ULK4: variants seen among roughly 807,000 people sequenced by gnomAD.
ULK4 encodes unc-51 like kinase 4.
ULK4 carries 133 observed loss-of-function variants against 160.6 expected under a neutral mutation model. The ratio of observed to expected loss-of-function variants is 0.83; its 90% CI spans 0.72 to 0.96. ULK4 has a LOEUF of 0.96. Ranked by LOEUF, ULK4 falls within the 40% of genes least tolerant of loss-of-function variation. The pLI is 0.00. For missense variants in ULK4, 1,580 were observed against 1,499.5 expected, an observed-to-expected ratio of 1.05 and a Z score of -0.89; for synonymous variants, 534 against 539.8, an observed-to-expected ratio of 0.99 and a Z score of 0.15.
intron 18 of ULK4, among the ~76,000 whole-genome samples, chr3:41,829,256 A>G (rs2041483825): frequency 2.0e-5 from 3 of 147,368 alleles, no homozygotes; most frequent in Admixed American, 2.0e-4. Context: ...CATGTGTAAA[A>G]CACCAAAAGC....
At chr3:41,565,780 T>C (rs780434370) in intron 32 of ULK4, among the ~76,000 whole-genome samples, 4 of 152,220 alleles carry the variant, frequency 2.6e-5, no homozygotes, top group South Asian at 2.1e-4. Flanking sequence ...CTAAATACTA[T>C]GATTACACCT....
intron 35 of ULK4, among the ~76,000 whole-genome samples, chr3:41,279,641 T>C (rs923539848): frequency 1.3e-5 from 2 of 152,168 alleles, no homozygotes; most frequent in Non-Finnish European, 2.9e-5. Flanking sequence ...CAGAAGAGAA[T>C]GGGGGCCAAT....
At chr3:41,290,753 T>G (rs771397320) in intron 35 of ULK4, among the ~76,000 whole-genome samples, 15 of 152,236 alleles carry the variant, frequency 9.9e-5, no homozygotes, top group Non-Finnish European at 1.5e-4. Context: ...GGTACACGTA[T>G]GCTCATAAGC....
At chr3:41,833,213 A>G (rs752135914) in intron 18 of ULK4, among the ~76,000 whole-genome samples, 12 of 148,144 alleles carry the variant, frequency 8.1e-5, no homozygotes, top group Admixed American at 7.4e-4. Flanking sequence ...TCCTTGAGCA[A>G]TGGTTTGTAA....
At position 41,262,625 on chromosome 3, in the gene ULK4, C is replaced by A. The variant is rs564891882; in HGVS notation, c.3679-13051G>T. 3.9e-5 allele frequency among the ~76,000 whole-genome samples: 6 copies of A among 152,288 alleles called. 1 individual carries two copies. The South Asian group carries it at 1.2e-3, about 32-fold the overall frequency. On this transcript the variant is annotated intron_variant, in intron 35 of 36. Coordinates refer to ENST00000301831, the MANE Select transcript of ULK4 (RefSeq NM_017886.4). ...CCAAGTCTAGAGGCTACAGAAGTAA[C>A]ATGCGGAGGATTTGAATGTTTTTCT...
intron 32 of ULK4, among the ~76,000 whole-genome samples, chr3:41,487,712 T>C (rs1423062802): frequency 6.6e-6 from 1 of 152,040 alleles, no homozygotes; most frequent in Non-Finnish European, 1.5e-5. Flanking sequence ...GCTCTAAATA[T>C]AAAAACAATC....
intron 17 of ULK4, among the ~76,000 whole-genome samples, chr3:41,867,734 A>T (rs1696947649): frequency 6.6e-6 from 1 of 152,256 alleles, no homozygotes; most frequent in Non-Finnish European, 1.5e-5. Context: ...AGTCTTCAGA[A>T]CTACTGCTCT....
intron 14 of ULK4, among the ~76,000 whole-genome samples, chr3:41,897,934 T>C (rs987242126): frequency 6.6e-6 from 1 of 152,222 alleles, no homozygotes; most frequent in Admixed American, 6.5e-5. Context: ...ATGGTCACCC[T>C]AAATAAGACT....
At chr3:41,452,955 G>T (rs887049781) in intron 34 of ULK4, among the ~76,000 whole-genome samples, 2 of 152,110 alleles carry the variant, frequency 1.3e-5, no homozygotes, top group Non-Finnish European at 2.9e-5. Flanking sequence ...TTAATCCAGA[G>T]GCCAAGGAGA....
chr3:41,298,824 T>C (rs2079724557), intron 35 of ULK4, among the ~76,000 whole-genome samples: 2 of 152,306 alleles, frequency 1.3e-5, no homozygotes, highest in Admixed American at 1.3e-4. Context: ...TGTGTACTAG[T>C]TGAATCTCAG....
At chr3:41,747,139 A>G (rs923910354) in intron 22 of ULK4, among the ~76,000 whole-genome samples, 8 of 151,980 alleles carry the variant, frequency 5.3e-5, no homozygotes, top group Non-Finnish European at 1.0e-4. Context: ...CCATTAAAGG[A>G]AAAAATGATA....
At chr3:41,517,400 G>A (rs2085786636) in intron 32 of ULK4, among the ~76,000 whole-genome samples, 1 of 152,078 alleles carries the variant, frequency 6.6e-6, no homozygotes, top group South Asian at 2.1e-4. Flanking sequence ...CTTATTAAAG[G>A]GCTTGAGGGA....
chr3:41,715,631 G>A, intron 23 of ULK4, 63 bp from the exon 24 acceptor site: 1 of 1,603,200 alleles, frequency 6.2e-7, no homozygotes. Context: ...GGAGCCACTG[G>A]TCATTGCTTG....
intron 35 of ULK4, among the ~76,000 whole-genome samples, chr3:41,371,734 T>A (rs1479811833): frequency 2.0e-5 from 3 of 152,024 alleles, no homozygotes; most frequent in Non-Finnish European, 4.4e-5. Context: ...CCAGAATGCC[T>A]ATTCTCCAAA....
At chr3:41,884,764 G>A (rs1372904586) in intron 16 of ULK4, among the ~76,000 whole-genome samples, 3 of 152,128 alleles carry the variant, frequency 2.0e-5, no homozygotes, top group East Asian at 1.9e-4. Context: ...AAATGTCTGC[G>A]TTATCACAAC....
At chr3:41,264,865 T>C (rs1029086050) in intron 35 of ULK4, among the ~76,000 whole-genome samples, 9 of 152,324 alleles carry the variant, frequency 5.9e-5, no homozygotes, top group African/African-American at 1.9e-4. Flanking sequence ...CAGTCAGTTA[T>C]GGCCAGCTGT....
intron 31 of ULK4, among the ~76,000 whole-genome samples, chr3:41,569,812 T>C (rs1055271732): frequency 6.6e-6 from 1 of 152,136 alleles, no homozygotes; most frequent in Non-Finnish European, 1.5e-5. Context: ...TTAGTCATTA[T>C]GAATGACTAA....
intron 35 of ULK4, among the ~76,000 whole-genome samples, chr3:41,295,840 G>A (rs926463311): frequency 1.3e-5 from 2 of 152,102 alleles, no homozygotes; most frequent in Admixed American, 6.6e-5. Flanking sequence ...AATGCAAAAC[G>A]GTCCATCCAC....
intron 35 of ULK4, among the ~76,000 whole-genome samples, chr3:41,380,950 G>A (rs1370737626): frequency 6.6e-6 from 1 of 152,016 alleles, no homozygotes; most frequent in Non-Finnish European, 1.5e-5. Flanking sequence ...TGAGCTGCTG[G>A]GCCTGGAGAA....
Sources: allele counts gnomAD v4.1 joint callset (sites outside exome capture counted in the v4.1 genomes callset), GRCh38; gene constraint gnomAD v4.1.1; transcripts MANE v1.5; gene names NCBI Gene and HGNC (gene_info 2026-07-23, HGNC 2026-07-21).